The following UBE2D4 variants were observed in gnomAD, a reference collection of about 807,000 sequenced individuals.
UBE2D4 encodes ubiquitin-conjugating enzyme E2 D4.
Under a neutral mutation model 23.0 loss-of-function variants are expected in UBE2D4, and 17 were observed. That is an observed-to-expected ratio of 0.74 (90% CI 0.51 to 1.11). The LOEUF is 1.11. UBE2D4 is among the 50% of genes least tolerant of loss of function. The pLI is 0.00. For synonymous variants in UBE2D4, 61 were observed against 69.4 expected (o/e 0.88, Z 0.60); for missense variants, 139 against 181.8 (o/e 0.76, Z 1.35).
At chr7:43,937,502 G>A (rs2095960987) in intron 1 of UBE2D4, among the ~76,000 whole-genome samples, 1 of 152,196 alleles carries the variant, frequency 6.6e-6, no homozygotes, top group South Asian at 2.1e-4. Context: ...TTTTACTTAT[G>A]AGGAAATGGG....
intron 1 of UBE2D4, among the ~76,000 whole-genome samples, chr7:43,926,862 G>A (rs1209383847): frequency 2.0e-5 from 3 of 152,228 alleles, no homozygotes; most frequent in Admixed American, 2.0e-4. Context: ...AGAAGGGCTG[G>A]GTGGGTATCC....
Position 43,926,552 on chromosome 7 carries a change from A to T in UBE2D4, c.20A>T (p.Gln7Leu), listed in dbSNP as rs1180279838. The T allele has an allele frequency of 6.4e-7, 1 of 1,569,950 alleles. No homozygotes were observed. The highest frequency in any genetic ancestry group is 8.6e-7 in the Non-Finnish European group (1 of 1,161,530). Residue 7 changes from glutamine to leucine, a missense_variant, in exon 1 of 7, where the codon CAG (glutamine) becomes CTG (leucine). By Grantham distance (113) the Gln-to-Leu change is moderately radical. Coordinates refer to ENST00000222402, the MANE Select transcript of UBE2D4 (RefSeq NM_015983.4). ...GGTAGGATGGCGCTAAAGCGGATCC[A>T]GAAGGTACGCACTTTCCCACCCTCC... MALKRIQKELTDLQRDP... is the reference protein window; with the variant it reads MALKRILKELTDLQRDP...
At chr7:43,932,663 G>A (rs1044969356) in intron 1 of UBE2D4, among the ~76,000 whole-genome samples, 1 of 151,808 alleles carries the variant, frequency 6.6e-6, no homozygotes, top group Non-Finnish European at 1.5e-5. Flanking sequence ...CATATTAGTA[G>A]GTGCCTGTAA....
intron 2 of UBE2D4, chr7:43,941,994 C>A (rs1433856653): frequency 6.6e-6 from 1 of 152,146 alleles, no homozygotes; most frequent in African/African-American, 2.4e-5. Flanking sequence ...GATACCATAC[C>A]TGATAGGAAT....
At chr7:43,928,227 A>T (rs1168692765) in intron 1 of UBE2D4, 1 of 299,016 alleles carries the variant, frequency 3.3e-6, no homozygotes, top group East Asian at 1.1e-4. Context: ...TTCATGAGGA[A>T]TCCGCCCCCA....
intron 1 of UBE2D4, among the ~76,000 whole-genome samples, chr7:43,936,388 T>C (rs1405446300): frequency 6.6e-6 from 1 of 152,182 alleles, no homozygotes; most frequent in Non-Finnish European, 1.5e-5. Flanking sequence ...TTCAATACTT[T>C]AACTTACTTT....
chr7:43,948,293 C>T (rs745664525), intron 4 of UBE2D4, among the ~76,000 whole-genome samples: 1 of 152,194 alleles, frequency 6.6e-6, no homozygotes, highest in Non-Finnish European at 1.5e-5. Flanking sequence ...GATACATCAA[C>T]AAAACATCAC....
rs2095960237 is a variant in UBE2D4, at chr7:43,937,088, TA to T, written c.25-1340del. On this transcript the variant is annotated intron_variant, in intron 1 of 6. Coordinates refer to ENST00000222402, the MANE Select transcript of UBE2D4 (RefSeq NM_015983.4). ...CTGGTGTAACTGTTCATCACACCTC[TA>T]AAGGGGGAACATGGATTCTGCATAT... 2.6e-5 allele frequency among the ~76,000 whole-genome samples: 4 copies of T among 152,302 alleles called. No individual in the cohort carries two copies. In the South Asian group the frequency reaches 8.3e-4, roughly 32 times the overall value.
rs772057209 is a variant in UBE2D4 at position 43,944,990 on chromosome 7, T to A, written c.198+1959T>A. The A allele has an allele frequency of 3.9e-5, 6 of 152,236 alleles. No homozygotes were observed. Among genetic ancestry groups the A allele is most frequent in the Non-Finnish European group, 5.9e-5 (4 of 68,024 alleles). 9.4% of individuals were successfully genotyped at this position (152,236 alleles called of 1,614,324 possible). A position where few individuals can be genotyped will look rare whatever the true frequency, so the allele number is the denominator to read the frequency against. On this transcript the variant is annotated intron_variant, in intron 4 of 6. Transcript: ENST00000222402. The surrounding 1 kb of genome is among the most constrained non-coding windows in gnomAD (Gnocchi z 4.0). ...AACAGTGATTATTATTATTATTTTT[T>A]AATTATTATTATTATTTTTGAGACA... is the stretch of plus-strand genomic sequence containing the variant.
chr7:43,932,055 C>T (rs1048712603), intron 1 of UBE2D4, among the ~76,000 whole-genome samples: 2 of 150,592 alleles, frequency 1.3e-5, no homozygotes, highest in Non-Finnish European at 2.9e-5. Flanking sequence ...GTGGCACGAT[C>T]TCGGCTCACT....
At chr7:43,947,263 TA>T (rs201983574) in intron 4 of UBE2D4, 3,018 of 152,050 alleles carry the variant, frequency 0.02, 65 homozygotes, top group South Asian at 0.095. Flanking sequence ...GCCTCCCGAG[TA>T]GCTGGGATTA....
chr7:43,926,759 C>T (rs1681110123), intron 1 of UBE2D4, among the ~76,000 whole-genome samples: 1 of 151,770 alleles, frequency 6.6e-6, no homozygotes, highest in African/African-American at 2.4e-5. Flanking sequence ...GGGGCGGGGC[C>T]GGGCCGTGGC....
At chr7:43,947,865 G>A (rs2095991849) in intron 4 of UBE2D4, among the ~76,000 whole-genome samples, 1 of 152,186 alleles carries the variant, frequency 6.6e-6, no homozygotes, top group Non-Finnish European at 1.5e-5. Context: ...GTTGTTTCCT[G>A]ATTTTTAATG....
Position 43,953,164 on chromosome 7 carries a change from G to A in UBE2D4, c.*469G>A, listed in dbSNP as rs1315710706. 2 of 456,770 alleles carry A rather than the reference G, an allele frequency of 4.4e-6. No homozygotes were observed. The highest frequency in any genetic ancestry group is 3.1e-5 in the South Asian group (2 of 64,572). 28.3% of individuals were successfully genotyped at this position (456,770 alleles called of 1,614,324 possible). On this transcript the variant is annotated 3_prime_UTR_variant, in exon 7 of 7. Coordinates refer to ENST00000222402, the MANE Select transcript of UBE2D4 (RefSeq NM_015983.4). ...AGGCTTTGTTCGCACCTCATCTGCT[G>A]CAGAACCACATCCTGAGGAGTCTCA... is the stretch of plus-strand genomic sequence containing the variant.
chr7:43,945,858 C>T (rs1011673032), intron 4 of UBE2D4, among the ~76,000 whole-genome samples: 2 of 145,580 alleles, frequency 1.4e-5, no homozygotes, highest in Admixed American at 1.4e-4. Flanking sequence ...TCTCGGCTCA[C>T]TGCAACCTCT....
intron 1 of UBE2D4, among the ~76,000 whole-genome samples, chr7:43,932,558 C>T (rs1222068035): frequency 1.3e-5 from 2 of 152,042 alleles, no homozygotes; most frequent in East Asian, 1.9e-4. Context: ...TTTGGGAGGC[C>T]GAGGTGGATG....
chr7:43,932,895 ACTCAT>A (rs934792452), intron 1 of UBE2D4, among the ~76,000 whole-genome samples: 1 of 105,622 alleles, frequency 9.5e-6, no homozygotes, highest in African/African-American at 3.7e-5. Context: ...TTTTTAAAAA[ACTCAT>A]CTCTAGTCAT....
intron 2 of UBE2D4, among the ~76,000 whole-genome samples, chr7:43,939,529 G>C (rs574720486): frequency 1.8e-4 from 28 of 152,326 alleles, no homozygotes; most frequent in Non-Finnish European, 2.9e-4. Context: ...TAGGAAAATA[G>C]GTGGGGAGGG....
intron 1 of UBE2D4, among the ~76,000 whole-genome samples, chr7:43,933,125 T>G (rs1231564247): frequency 6.7e-6 from 1 of 149,874 alleles, no homozygotes; most frequent in Non-Finnish European, 1.5e-5. Context: ...CTTATATGTG[T>G]GTATATACAT....
Sources: gnomAD v4.1 joint callset for allele counts (sites outside exome capture counted in the v4.1 genomes callset) on GRCh38, gnomAD v4.1.1 for gene constraint, Gnocchi (gnomAD v3.1) non-coding constraint, MANE v1.5 for transcripts, NCBI Gene and HGNC (gene_info 2026-07-23, HGNC 2026-07-21) for gene names.